Variants in RIOK3 observed in about 807,000 individuals in gnomAD.
RIOK3 encodes serine/threonine-protein kinase RIO3.
Under a neutral mutation model 63.5 loss-of-function variants are expected in RIOK3, and 40 were observed. The observed-to-expected ratio is 0.63, with a 90% CI of 0.49 to 0.82. The LOEUF is 0.82. RIOK3 is among the 40% of genes least tolerant of loss of function. The probability of loss-of-function intolerance (pLI) is 0.00; values close to 1 mark genes in which losing one functional copy is unlikely to be tolerated. For missense variants in RIOK3, 557 were observed against 637.0 expected (o/e 0.87, Z 1.35); for synonymous variants, 193 against 205.0 (o/e 0.94, Z 0.50).
Position 23,453,332 on chromosome 18 carries a change from C to A in RIOK3, c.-108C>A. On this transcript the variant is annotated 5_prime_UTR_variant, in exon 1 of 13. Transcript: ENST00000339486. ...CCGTCGCCGCCATCTGTCACCTCCACTCCGGCATCAGCAGCCAGTCGCCCG... is the reference window on the plus strand; with the variant it reads ...CCGTCGCCGCCATCTGTCACCTCCAATCCGGCATCAGCAGCCAGTCGCCCG... The A allele has an allele frequency of 1.1e-6, 1 of 921,512 alleles. No individual in the cohort carries two copies. The highest frequency in any genetic ancestry group is 1.3e-5 in the South Asian group (1 of 74,882). 57.1% of individuals were successfully genotyped at this position (921,512 alleles called of 1,614,324 possible). A position where few individuals can be genotyped will look rare whatever the true frequency, so the allele number is the denominator to read the frequency against.
At chr18:23,459,701 C>T (rs539478169) in intron 1 of RIOK3, among the ~76,000 whole-genome samples, 78 of 152,252 alleles carry the variant, frequency 5.1e-4, no homozygotes, top group African/African-American at 7.0e-4. Context: ...GAGACAGTCT[C>T]GCTCTGTCAC....
rs2145684087 is a variant in RIOK3, at chr18:23,467,633, AT to A, written c.815+112del. On this transcript the variant is annotated intron_variant, in intron 7 of 12. Transcript: ENST00000339486. The stretch of plus-strand genomic sequence containing the variant: ...ATAATGCTGCATGGCAAGCAGAGTA[AT>A]TTTTAAAGTGTTATTGTAGAAAGTC... 2.7e-6 allele frequency: 3 copies of A among 1,102,078 alleles called. No homozygotes were observed. In the East Asian group the frequency reaches 7.5e-5, roughly 28 times the overall value. The allele number at this position is 1,102,078 out of a possible 1,614,324, so 68.3% of individuals were successfully genotyped here.
chr18:23,458,856 T>C (rs1437434775), intron 1 of RIOK3, among the ~76,000 whole-genome samples: 1 of 152,040 alleles, frequency 6.6e-6, no homozygotes, highest in Non-Finnish European at 1.5e-5. Flanking sequence ...CTGGAAAAAG[T>C]GTATGGAGGG....
intron 1 of RIOK3, among the ~76,000 whole-genome samples, chr18:23,457,153 G>T (rs1379269199): frequency 6.6e-6 from 1 of 152,174 alleles, no homozygotes; most frequent in Admixed American, 6.5e-5. Flanking sequence ...CTGAATGGGT[G>T]TTGGGGATCC....
chr18:23,477,735 C>G (rs957951060), intron 11 of RIOK3, among the ~76,000 whole-genome samples: 6 of 149,478 alleles, frequency 4.0e-5, no homozygotes, highest in African/African-American at 1.5e-4. Flanking sequence ...TGCACTCCAC[C>G]CAGCCTGGGC....
chr18:23,471,091 G>A (rs1188190811), intron 7 of RIOK3, among the ~76,000 whole-genome samples: 1 of 152,182 alleles, frequency 6.6e-6, no homozygotes, highest in Admixed American at 6.5e-5. Flanking sequence ...GAAGGTCTCT[G>A]GTCTAATGGA....
At position 23,467,119 on chromosome 18, in the gene RIOK3, G is replaced by T. The variant is rs184930909; in HGVS notation, c.688-280G>T. On this transcript the variant is annotated intron_variant, in intron 6 of 12. Coordinates refer to ENST00000339486, the MANE Select transcript of RIOK3 (RefSeq NM_003831.5). ...TCATGAGGTCAGGAGTTCGAGACCAGCCTGGCCAACATAGTGAAACCCCAT... is the reference window on the plus strand; with the variant it reads ...TCATGAGGTCAGGAGTTCGAGACCATCCTGGCCAACATAGTGAAACCCCAT... Among the ~76,000 whole-genome samples the T allele has an allele frequency of 9.2e-5, 14 of 152,224 alleles. No individual in the cohort carries two copies. The East Asian group carries it at 2.7e-3, about 29-fold the overall frequency.
At chr18:23,468,820 T>A (rs2057428274) in intron 7 of RIOK3, among the ~76,000 whole-genome samples, 1 of 152,240 alleles carries the variant, frequency 6.6e-6, no homozygotes, top group South Asian at 2.1e-4. Flanking sequence ...TATTATCTCA[T>A]AGTTTCTGTT....
At chr18:23,454,196 G>T (rs1428162544) in intron 1 of RIOK3, among the ~76,000 whole-genome samples, 1 of 152,166 alleles carries the variant, frequency 6.6e-6, no homozygotes, top group Non-Finnish European at 1.5e-5. Flanking sequence ...CTTTATGGAG[G>T]GTCTGCTTGA....
chr18:23,481,184 G>C lies in RIOK3; in HGVS notation c.1465G>C (p.Glu489Gln). 1 of 1,608,708 alleles carries C rather than the reference G, an allele frequency of 6.2e-7. No homozygotes were observed. The highest frequency in any genetic ancestry group is 8.5e-7 in the Non-Finnish European group (1 of 1,175,874). The change falls in exon 13 of 13, where the codon GAG (glutamate) becomes CAG (glutamine). Residue 489 changes from glutamate (E) to glutamine (Q), a missense_variant. Around this residue, in one of 3 missense-constraint regions of RIOK3, gnomAD observed 309 missense variants for 338.7 expected, o/e 0.91. Coordinates refer to ENST00000339486, the MANE Select transcript of RIOK3 (RefSeq NM_003831.5). ...ADFLAEIEAL[E>Q]KMNEDHVQKN... Reference sequence around the variant, plus strand: ...ATTATTTTTGTAGATAGAAGCTTTGGAGAAAATGAATGAAGATCACGTTCA... The same window carrying C: ...ATTATTTTTGTAGATAGAAGCTTTGCAGAAAATGAATGAAGATCACGTTCA...
At chr18:23,466,956 CAT>C (rs1436024868) in intron 6 of RIOK3, among the ~76,000 whole-genome samples, 1 of 151,476 alleles carries the variant, frequency 6.6e-6, no homozygotes, top group African/African-American at 2.4e-5. Flanking sequence ...GAGCCATAAT[CAT>C]GTCACTGCAT....
intron 11 of RIOK3, among the ~76,000 whole-genome samples, chr18:23,478,240 A>G (rs1192646122): frequency 2.0e-5 from 3 of 152,066 alleles, no homozygotes; most frequent in African/African-American, 7.2e-5. Flanking sequence ...CTATTGTGGG[A>G]CAGTGTCTGA....
chr18:23,475,462 C>CAAAAAAAAAAAAAAAAAAAAAAAAAAA (rs60717269), intron 9 of RIOK3, among the ~76,000 whole-genome samples: 1 of 99,324 alleles, frequency 1.0e-5, no homozygotes. Flanking sequence ...GACTCTGTCT[C>CAAAAAAAAAAAAAAAAAAAAAAAAAAA]AAAAAAAAAA....
chr18:23,477,957 A>G (rs530530326), intron 11 of RIOK3, among the ~76,000 whole-genome samples: 2 of 151,686 alleles, frequency 1.3e-5, no homozygotes, highest in Non-Finnish European at 2.9e-5. Context: ...CTGTAATCCC[A>G]GCTAGTTGGG....
chr18:23,464,867 TAATA>T (rs1209142340), intron 5 of RIOK3, among the ~76,000 whole-genome samples: 3 of 152,224 alleles, frequency 2.0e-5, no homozygotes, highest in South Asian at 2.1e-4. Context: ...ATTCTAAAAT[TAATA>T]AATAGTTATT....
chr18:23,471,780 C>T (rs1025297635), intron 7 of RIOK3, among the ~76,000 whole-genome samples: 6 of 152,146 alleles, frequency 3.9e-5, no homozygotes, highest in Admixed American at 6.5e-5. Flanking sequence ...TACCGTTTGA[C>T]GAGGTGAGAG....
At chr18:23,457,651 TAAGA>T (rs1344875707) in intron 1 of RIOK3, among the ~76,000 whole-genome samples, 1 of 152,200 alleles carries the variant, frequency 6.6e-6, no homozygotes, top group African/African-American at 2.4e-5. Context: ...TTTTTAAAAG[TAAGA>T]CTATTCTAAA....
chr18:23,480,958 G>A (rs2057529701), intron 12 of RIOK3, among the ~76,000 whole-genome samples: 1 of 152,006 alleles, frequency 6.6e-6, no homozygotes, highest in South Asian at 2.1e-4. Context: ...GGTGGCACAT[G>A]TGTCCCAGCT....
intron 7 of RIOK3, among the ~76,000 whole-genome samples, chr18:23,473,049 A>G (rs1407678310): frequency 6.6e-6 from 1 of 152,144 alleles, no homozygotes; most frequent in Non-Finnish European, 1.5e-5. Flanking sequence ...GGAGTGAAAG[A>G]GTTATTTTTT....
Sources: allele counts gnomAD v4.1 joint callset (sites outside exome capture counted in the v4.1 genomes callset), GRCh38; gene constraint gnomAD v4.1.1; regional missense constraint gnomAD v4.1.1; transcripts MANE v1.5; gene names NCBI Gene and HGNC (gene_info 2026-07-23, HGNC 2026-07-21).